Variants in ZNF26 observed in about 807,000 individuals in gnomAD.
ZNF26 encodes zinc finger protein 26.
A neutral mutation model predicts 54.9 loss-of-function variants in ZNF26; 32 were observed. The observed-to-expected ratio is 0.58, with a 90% confidence interval of 0.44 to 0.78. The LOEUF is 0.78. Among genes scored for constraint, ZNF26 ranks in the 30% least tolerant of loss-of-function variants. The pLI is 0.00. For synonymous variants in ZNF26, 221 were observed against 209.2 expected, an observed-to-expected ratio of 1.06 and a Z score of -0.49; for missense variants, 524 against 634.0, an observed-to-expected ratio of 0.83 and a Z score of 1.86.
chr12:133,009,202 TACAA>T (rs1953412343), intron 3 of ZNF26, among the ~76,000 whole-genome samples: 1 of 152,246 alleles, frequency 6.6e-6, no homozygotes, highest in Non-Finnish European at 1.5e-5. Context: ...TCTGGACTGC[TACAA>T]TAGCTTCCTA....
Position 133,019,443 on chromosome 12 carries a change from A to G in ZNF26, c.*7962A>G, listed in dbSNP as rs1310009730. 4 of 152,208 alleles carry G rather than the reference A, an allele frequency of 2.6e-5. No homozygotes were observed. Among genetic ancestry groups the G allele is most frequent in the African/African-American group, 9.7e-5 (4 of 41,448 alleles). 9.4% of individuals were successfully genotyped at this position (152,208 alleles called of 1,614,324 possible). ...AGACGTTTCTCAGAGAAGACATGCA[A>G]ATGTCTAACAGGTATATGAAAAAAT... On this transcript the variant is annotated 3_prime_UTR_variant, in exon 4 of 4. Coordinates refer to ENST00000328654, the MANE Select transcript of ZNF26 (RefSeq NM_019591.4).
chr12:132,992,808 C>T (rs986414082), intron 1 of ZNF26, among the ~76,000 whole-genome samples: 6 of 149,756 alleles, frequency 4.0e-5, no homozygotes, highest in South Asian at 2.1e-4. Flanking sequence ...TCCTTTCCTT[C>T]GGGTATTTCC....
rs1953714160 is a variant in ZNF26, at chr12:133,027,018, C to G, written c.*15537C>G. On this transcript the variant is annotated 3_prime_UTR_variant, in exon 4 of 4. Coordinates refer to ENST00000328654, the MANE Select transcript of ZNF26 (RefSeq NM_019591.4). ...TTAAGAAACTCAGAATAAAATGCAA[C>G]ACCTTTTTACGATTATAAACCCCTC... The G allele has an allele frequency of 6.6e-6, 1 of 151,988 alleles. No individual in the cohort carries two copies. 9.4% of individuals were successfully genotyped at this position (151,988 alleles called of 1,614,324 possible).
chr12:133,006,185 G>A (rs1366406068), intron 1 of ZNF26: 1 of 984,882 alleles, frequency 1.0e-6, no homozygotes, highest in Admixed American at 6.1e-5. Flanking sequence ...TCTTAGACTG[G>A]GTTGCCCTGG....
chr12:133,010,272 T>C lies in ZNF26; in HGVS notation c.393T>C (p.Arg131=), dbSNP rs1953440056. The change falls in exon 4 of 4, where the codon CGT becomes CGC. Residue 131 remains arginine, a synonymous_variant. Coordinates refer to ENST00000328654, the MANE Select transcript of ZNF26 (RefSeq NM_019591.4). ...DSSRQRLYNT[R]GKSLTQNSAP... ...CAAGACAGAGACTCTATAACACACG[T>C]GGAAAAAGTTTGACACAAAACTCAG... is the stretch of plus-strand genomic sequence containing the variant. The C allele has an allele frequency of 1.2e-6, 2 of 1,613,844 alleles. No homozygotes were observed. Among genetic ancestry groups the C allele is most frequent in the African/African-American group, 1.3e-5 (1 of 74,876 alleles).
chr12:133,003,257 CTTT>C (rs796349481), intron 1 of ZNF26, among the ~76,000 whole-genome samples: 9 of 135,310 alleles, frequency 6.7e-5, no homozygotes, highest in African/African-American at 1.1e-4. Context: ...GTTCCCTTTT[CTTT>C]TTTTTTTTTT....
Position 133,021,864 on chromosome 12 carries a change from T to G in ZNF26, c.*10383T>G, listed in dbSNP as rs1417014717. 2 of 152,028 alleles carry G rather than the reference T, an allele frequency of 1.3e-5. No individual in the cohort carries two copies. Among genetic ancestry groups the G allele is most frequent in the African/African-American group, 4.8e-5 (2 of 41,338 alleles). The allele number at this position is 152,028 out of a possible 1,614,324, so 9.4% of individuals were successfully genotyped here. Reference sequence around the variant, plus strand: ...AGAATATTTACAAATTCATTATCATTGTGTAAATTCTATATTACTTTTTAA... The same window carrying G: ...AGAATATTTACAAATTCATTATCATGGTGTAAATTCTATATTACTTTTTAA... On this transcript the variant is annotated 3_prime_UTR_variant, in exon 4 of 4. Coordinates refer to ENST00000328654, the MANE Select transcript of ZNF26 (RefSeq NM_019591.4).
At chr12:132,989,933 C>A (rs935066652) in intron 1 of ZNF26, among the ~76,000 whole-genome samples, 3 of 152,022 alleles carry the variant, frequency 2.0e-5, no homozygotes, top group African/African-American at 7.2e-5. Flanking sequence ...TGAGAAAGAC[C>A]CTTGTTCCTA....
Position 133,000,784 on chromosome 12 carries a change from C to G in ZNF26, c.34-6258C>G, listed in dbSNP as rs916803322. On this transcript the variant is annotated intron_variant, in intron 1 of 3. Transcript: ENST00000328654. ...ATGTTGGCCAGGCTGGTCTTGAACT[C>G]CTGATTGCAGGTGATCCACCCACCT... Among the ~76,000 whole-genome samples, 5 of 152,202 alleles carry G rather than the reference C, an allele frequency of 3.3e-5. No individual in the cohort carries two copies. In the South Asian group the frequency reaches 1.0e-3, roughly 32 times the overall value.
chr12:133,010,514 G>A lies in ZNF26; in HGVS notation c.635G>A (p.Ser212Asn). ...TGCAGTAAATGTGAAAGAGCCTTCA[G>A]TGCCAAGTCAAACCTTAATGCTCAT... ...YECSKCERAF[S>N]AKSNLNAHQR... is the part of the protein sequence containing the mutation. Residue 212 changes from serine to asparagine, a missense_variant, in exon 4 of 4, where the codon AGT (serine) becomes AAT (asparagine). Transcript: ENST00000328654. The A allele has an allele frequency of 2.5e-6, 4 of 1,614,178 alleles. No homozygotes were observed. The highest frequency in any genetic ancestry group is 3.4e-6 in the Non-Finnish European group (4 of 1,180,024).
intron 1 of ZNF26, 165 bp from the exon 2 acceptor site, chr12:133,006,877 C>A: frequency 1.1e-6 from 1 of 916,420 alleles, no homozygotes; most frequent in Non-Finnish European, 1.7e-6. Flanking sequence ...AGCCACCGTG[C>A]CTGGCACTCC....
intron 1 of ZNF26, among the ~76,000 whole-genome samples, chr12:132,989,287 C>T (rs894037076): frequency 1.4e-4 from 22 of 152,102 alleles, no homozygotes; most frequent in African/African-American, 5.1e-4. Flanking sequence ...CAGCCCACCT[C>T]GGCCTCCTAA....
chr12:132,990,919 C>T (rs1952934887), intron 1 of ZNF26, among the ~76,000 whole-genome samples: 1 of 151,896 alleles, frequency 6.6e-6, no homozygotes, highest in Non-Finnish European at 1.5e-5. Flanking sequence ...AGTGCAGTGG[C>T]ATGATCATGG....
rs1472593440 is a variant in ZNF26 at position 133,001,174 on chromosome 12, A to G, written c.34-5868A>G. ...GCTTCATTTTTCTCATCACAGCCTC[A>G]GGCTTCCTGTCAGCCCTTCCCTAGT... On this transcript the variant is annotated intron_variant, in intron 1 of 3. Coordinates refer to ENST00000328654, the MANE Select transcript of ZNF26 (RefSeq NM_019591.4). This position sits in a 1 kb window ranked among gnomAD's most constrained non-coding sequence, Gnocchi z 4.7. 6.6e-6 allele frequency among the ~76,000 whole-genome samples: 1 copy of G among 152,136 alleles called. No homozygotes were observed. Among genetic ancestry groups the G allele is most frequent in the African/African-American group, 2.4e-5 (1 of 41,432 alleles).
rs1953708426 is a variant in ZNF26 at position 133,026,549 on chromosome 12, CAG to C, written c.*15071_*15072del. 1 of 114,384 alleles carries C rather than the reference CAG, an allele frequency of 8.7e-6. No homozygotes were observed. Among genetic ancestry groups the C allele is most frequent in the Non-Finnish European group, 1.7e-5 (1 of 59,802 alleles). 7.1% of individuals were successfully genotyped at this position (114,384 alleles called of 1,614,324 possible). A position where few individuals can be genotyped will look rare whatever the true frequency, so the allele number is the denominator to read the frequency against. On this transcript the variant is annotated 3_prime_UTR_variant, in exon 4 of 4. Transcript: ENST00000328654. ...TTTTTTTTTTTTTTTTTTTTTGATA[CAG>C]AGTCTCGTTCTGTCACCCAGGCTGG...
chr12:133,010,353 A>G lies in ZNF26; in HGVS notation c.474A>G (p.Glu158=). The G allele has an allele frequency of 6.2e-7, 1 of 1,613,888 alleles. No individual in the cohort carries two copies. Among genetic ancestry groups the G allele is most frequent in the Non-Finnish European group, 8.5e-7 (1 of 1,179,976 alleles). The change falls in exon 4 of 4, where the codon GAA becomes GAG. Residue 158 remains glutamate (E), a synonymous_variant. Transcript: ENST00000328654. ...CTGATAAGTTTCATGGTTATGAAGA[A>G]CCATATTTTCTTAAGCATCAAAGAG... The part of the protein sequence containing the change: ...KNPDKFHGYE[E]PYFLKHQRAH...
intron 1 of ZNF26, chr12:133,005,238 T>C (rs1953298592): frequency 6.6e-6 from 1 of 152,240 alleles, no homozygotes; most frequent in Non-Finnish European, 1.5e-5. Context: ...AGTCTTGCTC[T>C]GTCGCTCAGG....
chr12:132,994,687 A>C (rs1953037330), intron 1 of ZNF26, among the ~76,000 whole-genome samples: 1 of 152,252 alleles, frequency 6.6e-6, no homozygotes, highest in African/African-American at 2.4e-5. Flanking sequence ...TCTGTTATCA[A>C]CATCAGTGTT....
In ZNF26 at chr12:133,011,701, ATGT is replaced by A. The variant is rs1426738310; in HGVS notation, c.*224_*226del. 412 of 355,172 alleles carry A rather than the reference ATGT, an allele frequency of 1.2e-3. 1 individual carries two copies. The highest frequency in any genetic ancestry group is 9.7e-3 in the Middle Eastern group (12 of 1,238). The allele number at this position is 355,172 out of a possible 1,614,324, so 22.0% of individuals were successfully genotyped here. On this transcript the variant is annotated 3_prime_UTR_variant, in exon 4 of 4. Coordinates refer to ENST00000328654, the MANE Select transcript of ZNF26 (RefSeq NM_019591.4). ...GAATGTGGAGCAATAAATGTATCAAATGTTGTAGTATCATCATGAAGATTCAGA... is the reference window on the plus strand; with the variant it reads ...GAATGTGGAGCAATAAATGTATCAAATGTAGTATCATCATGAAGATTCAGA...
Sources: allele counts gnomAD v4.1 joint callset (sites outside exome capture counted in the v4.1 genomes callset), GRCh38; gene constraint gnomAD v4.1.1; non-coding constraint Gnocchi (gnomAD v3.1); transcripts MANE v1.5; gene names NCBI Gene and HGNC (gene_info 2026-07-23, HGNC 2026-07-21).